CBLB: variants seen among roughly 807,000 people sequenced by gnomAD.
CBLB encodes Cbl proto-oncogene B.
A neutral mutation model predicts 104.9 loss-of-function variants in CBLB; 31 were observed. The observed-to-expected ratio is 0.30, with a 90% CI of 0.22 to 0.40. CBLB has a LOEUF of 0.40. Ranked by LOEUF, CBLB falls within the 10% of genes least tolerant of loss-of-function variation. The pLI, the probability that CBLB is intolerant of heterozygous loss-of-function variation, is 1.00. For missense variants in CBLB, 1,062 were observed against 1,214.6 expected, an observed-to-expected ratio of 0.87 and a Z score of 1.87; for synonymous variants, 440 against 422.6, an observed-to-expected ratio of 1.04 and a Z score of -0.51.
In CBLB at chr3:105,751,443, TA is replaced by T; in HGVS notation, c.723+18del. The T allele has an allele frequency of 6.3e-7, 1 of 1,575,302 alleles. No homozygotes were observed. The highest frequency in any genetic ancestry group is 8.7e-7 in the Non-Finnish European group (1 of 1,145,780). ...AGAGAGAAGAAGGGAATGGATAGAC[TA>T]AGCAAGTATAAACTTACCTGAAACA... On this transcript the variant is annotated intron_variant, in intron 5 of 18. Coordinates refer to ENST00000394030, the MANE Select transcript of CBLB (RefSeq NM_170662.5).
In CBLB at chr3:105,801,076, G is replaced by GT. The variant is rs371970162; in HGVS notation, c.420-24535dup. Reference sequence around the variant, plus strand: ...ATTTCACTAATGAATTCTCACAACTGTTTTTTTCTTAATCGCTTGTGAGTT... The same window carrying GT: ...ATTTCACTAATGAATTCTCACAACTGTTTTTTTTCTTAATCGCTTGTGAGTT... On this transcript the variant is annotated intron_variant, in intron 3 of 18. Transcript: ENST00000394030. Among the ~76,000 whole-genome samples the GT allele has an allele frequency of 5.1e-3, 778 of 152,054 alleles. 11 individuals are homozygous for GT. Among genetic ancestry groups the GT allele is most frequent in the African/African-American group, 0.018 (744 of 41,480 alleles).
At chr3:105,782,054 G>C (rs2080323400) in intron 3 of CBLB, among the ~76,000 whole-genome samples, 1 of 152,100 alleles carries the variant, frequency 6.6e-6, no homozygotes, top group African/African-American at 2.4e-5. Flanking sequence ...CTGACCTTAG[G>C]AATGTTGTGA....
At chr3:105,793,924 A>G (rs1265571086) in intron 3 of CBLB, among the ~76,000 whole-genome samples, 2 of 152,262 alleles carry the variant, frequency 1.3e-5, no homozygotes, top group East Asian at 3.8e-4. Flanking sequence ...CTAGTTATTC[A>G]TCTATGAATA....
At chr3:105,862,689 T>TCAA (rs1205994805) in intron 2 of CBLB, among the ~76,000 whole-genome samples, 2 of 152,210 alleles carry the variant, frequency 1.3e-5, no homozygotes, top group African/African-American at 4.8e-5. Context: ...TTAACAGCCT[T>TCAA]CAATGGTTTT....
chr3:105,820,176 T>C (rs2085637517), intron 3 of CBLB, among the ~76,000 whole-genome samples: 1 of 152,062 alleles, frequency 6.6e-6, no homozygotes, highest in African/African-American at 2.4e-5. Context: ...ACATGCACAG[T>C]TCACAATAGG....
At chr3:105,682,061 C>T (rs572971579) in intron 14 of CBLB, 8 of 481,980 alleles carry the variant, frequency 1.7e-5, no homozygotes, top group East Asian at 7.6e-5. Flanking sequence ...ACAAGGGCCA[C>T]AAAAATTGTT....
chr3:105,842,520 A>G (rs1334952072), intron 3 of CBLB, among the ~76,000 whole-genome samples: 1 of 152,202 alleles, frequency 6.6e-6, no homozygotes, highest in Non-Finnish European at 1.5e-5. Flanking sequence ...GGAGGCTGAA[A>G]TTTCAAAGTT....
chr3:105,668,676 A>G (rs1469436188), intron 18 of CBLB, among the ~76,000 whole-genome samples: 3 of 152,316 alleles, frequency 2.0e-5, no homozygotes, highest in African/African-American at 7.2e-5. Flanking sequence ...AACTGATAAG[A>G]GAACACTGGC....
chr3:105,814,226 G>A (rs1055596337), intron 3 of CBLB, among the ~76,000 whole-genome samples: 6 of 152,008 alleles, frequency 3.9e-5, no homozygotes, highest in Admixed American at 6.6e-5. Context: ...ATGTTTATAC[G>A]TGCATCAGAG....
chr3:105,864,557 G>C (rs1019964449), intron 2 of CBLB, among the ~76,000 whole-genome samples: 4 of 152,132 alleles, frequency 2.6e-5, no homozygotes, highest in Non-Finnish European at 4.4e-5. Flanking sequence ...ATCTGTAATG[G>C]GATGTTTTGG....
chr3:105,724,675 G>A (rs1414595543), intron 9 of CBLB, among the ~76,000 whole-genome samples: 3 of 152,074 alleles, frequency 2.0e-5, no homozygotes, highest in Non-Finnish European at 4.4e-5. Flanking sequence ...ATTCCATTTT[G>A]TAATGTAATG....
intron 2 of CBLB, among the ~76,000 whole-genome samples, chr3:105,860,099 CTT>C (rs1560570173): frequency 1.3e-5 from 2 of 152,184 alleles, no homozygotes; most frequent in African/African-American, 4.8e-5. Context: ...TGTTCACTCT[CTT>C]TCTTCCAAAT....
chr3:105,822,957 A>G (rs759437705), intron 3 of CBLB, among the ~76,000 whole-genome samples: 4 of 152,170 alleles, frequency 2.6e-5, no homozygotes, highest in Non-Finnish European at 5.9e-5. Flanking sequence ...TTGACATGCT[A>G]TCTTTGTGCT....
intron 5 of CBLB, among the ~76,000 whole-genome samples, chr3:105,747,986 TC>T: frequency 6.6e-6 from 1 of 152,268 alleles, no homozygotes; most frequent in Non-Finnish European, 1.5e-5. Context: ...ATAGAATGAG[TC>T]TGTGTATTGT....
Position 105,681,570 on chromosome 3 carries a change from T to C in CBLB, c.2337A>G (p.Pro779=), listed in dbSNP as rs368254064. 2.8e-5 allele frequency: 45 copies of C among 1,613,910 alleles called. No homozygotes were observed. Among genetic ancestry groups the C allele is most frequent in the Non-Finnish European group, 3.6e-5 (43 of 1,179,946 alleles). Residue 779 remains proline, a synonymous_variant, in exon 16 of 19, where the codon CCA becomes CCG. Transcript: ENST00000394030. ...FDSASDPVPL[P]PARPPTRDNP... ...TGTCCCGAGTTGGAGGCCTGGCAGG[T>C]GGTAATGGCACGGGATCAGAGGCTG...
intron 13 of CBLB, among the ~76,000 whole-genome samples, chr3:105,689,626 G>T (rs912829476): frequency 6.7e-6 from 1 of 149,396 alleles, no homozygotes; most frequent in Non-Finnish European, 1.5e-5. Context: ...TGTGTGCCAA[G>T]TAAAATAAAT....
chr3:105,867,845 C>A (rs2092516543), intron 1 of CBLB, among the ~76,000 whole-genome samples: 1 of 150,268 alleles, frequency 6.7e-6, no homozygotes. Context: ...GCTCACGTTT[C>A]AAGTAGCTAA....
chr3:105,854,976 G>C (rs952009409), intron 2 of CBLB, among the ~76,000 whole-genome samples: 2 of 152,092 alleles, frequency 1.3e-5, no homozygotes, highest in African/African-American at 4.8e-5. Context: ...CCTCCTGTTG[G>C]GTGGCACTGG....
At chr3:105,776,230 T>C (rs3772512) in intron 4 of CBLB, among the ~76,000 whole-genome samples, 166 bp downstream of exon 4, 12,778 of 144,892 alleles carry the variant, frequency 0.088, 619 homozygotes, top group Admixed American at 0.13. Flanking sequence ...TATTGAGGCA[T>C]ACCTTTGGTG....
Sources: gnomAD v4.1 joint callset for allele counts (sites outside exome capture counted in the v4.1 genomes callset) on GRCh38, gnomAD v4.1.1 for gene constraint, MANE v1.5 for transcripts, NCBI Gene and HGNC (gene_info 2026-07-23, HGNC 2026-07-21) for gene names.